The following FAF1 variants were observed in gnomAD, a reference collection of about 807,000 sequenced individuals.
The protein encoded by FAF1 is Fas associated factor 1, also known as FAS-associated factor 1.
In FAF1, 25 loss-of-function variants were observed where a neutral mutation model predicts 92.5. The ratio of observed to expected loss-of-function variants is 0.27; its 90% confidence interval spans 0.20 to 0.38. The LOEUF (loss-of-function observed/expected upper bound fraction) is 0.38, where lower values mean the gene tolerates loss of function less well. Ranked by LOEUF, FAF1 falls within the 10% of genes least tolerant of loss-of-function variation. FAF1 has a pLI of 1.00. For missense variants in FAF1, 636 were observed against 793.3 expected (o/e 0.80, Z 2.38); for synonymous variants, 234 against 273.2 (o/e 0.86, Z 1.42).
At chr1:50,567,486 G>T (rs1306429453) in intron 12 of FAF1, among the ~76,000 whole-genome samples, 1 of 152,026 alleles carries the variant, frequency 6.6e-6, no homozygotes, top group African/African-American at 2.4e-5. Flanking sequence ...GTTGACATGT[G>T]CAAGCCTATC....
chr1:50,497,342 G>A lies in FAF1; in HGVS notation c.1495-5541C>T, dbSNP rs1369720061. 2.0e-5 allele frequency among the ~76,000 whole-genome samples: 3 copies of A among 151,742 alleles called. No individual in the cohort carries two copies. The East Asian group carries it at 5.8e-4, about 29-fold the overall frequency. ...AGTGAAAATATTTTTCAAAACTGAA[G>A]GTAAAATACTTTTCAAACATATAAA... On this transcript the variant is annotated intron_variant, in intron 15 of 18. Coordinates refer to ENST00000396153, the MANE Select transcript of FAF1 (RefSeq NM_007051.3).
At chr1:50,729,824 C>G (rs532639279) in intron 6 of FAF1, among the ~76,000 whole-genome samples, 222 of 152,020 alleles carry the variant, frequency 1.5e-3, no homozygotes, top group African/African-American at 5.2e-3. Flanking sequence ...AGATTGAGAC[C>G]ATCCTGGCCA....
At chr1:50,720,291 T>A (rs1245670414) in intron 6 of FAF1, among the ~76,000 whole-genome samples, 1 of 152,150 alleles carries the variant, frequency 6.6e-6, no homozygotes, top group African/African-American at 2.4e-5. Flanking sequence ...GGCCCCTTAT[T>A]AAAAAACATT....
intron 15 of FAF1, among the ~76,000 whole-genome samples, chr1:50,513,055 AG>A (rs1259718988): frequency 6.6e-6 from 1 of 152,178 alleles, no homozygotes; most frequent in Non-Finnish European, 1.5e-5. Context: ...GCTCTACATT[AG>A]GGTAGTCCAG....
chr1:50,941,833 A>G (rs1645135855), intron 1 of FAF1, among the ~76,000 whole-genome samples: 1 of 152,256 alleles, frequency 6.6e-6, no homozygotes, highest in African/African-American at 2.4e-5. Flanking sequence ...AATGTCTTTG[A>G]AACCTAATTT....
intron 8 of FAF1, among the ~76,000 whole-genome samples, chr1:50,603,502 G>A (rs1199026919): frequency 6.6e-6 from 1 of 152,170 alleles, no homozygotes; most frequent in Non-Finnish European, 1.5e-5. Context: ...TTACTGTTCA[G>A]CTAAATAGAT....
intron 2 of FAF1, among the ~76,000 whole-genome samples, chr1:50,826,795 T>C (rs558492191): frequency 2.0e-5 from 3 of 151,838 alleles, no homozygotes; most frequent in East Asian, 1.9e-4. Context: ...TAAGAAAAAA[T>C]AGAAAAATCA....
intron 8 of FAF1, among the ~76,000 whole-genome samples, chr1:50,617,332 A>G (rs1475040859): frequency 1.3e-5 from 2 of 152,184 alleles, no homozygotes; most frequent in Admixed American, 6.5e-5. Flanking sequence ...TCAATGCCTC[A>G]TCTGTTGAGG....
At chr1:50,776,718 A>T (rs1295590856) in intron 4 of FAF1, among the ~76,000 whole-genome samples, 2 of 152,184 alleles carry the variant, frequency 1.3e-5, no homozygotes, top group Non-Finnish European at 2.9e-5. Context: ...ATTTAAAAGA[A>T]AAAGTGTGAT....
chr1:50,551,776 A>T (rs1649320284), intron 13 of FAF1, among the ~76,000 whole-genome samples: 1 of 152,224 alleles, frequency 6.6e-6, no homozygotes, highest in African/African-American at 2.4e-5. Flanking sequence ...TTCATTTGTC[A>T]TCAGGAAATT....
At chr1:50,591,657 A>C (rs1651515332) in intron 9 of FAF1, among the ~76,000 whole-genome samples, 1 of 140,116 alleles carries the variant, frequency 7.1e-6, no homozygotes, top group Non-Finnish European at 1.5e-5. Flanking sequence ...TAGGCAACAG[A>C]GCGAGACTCC....
intron 12 of FAF1, among the ~76,000 whole-genome samples, chr1:50,580,949 A>AT (rs1203261735): frequency 2.6e-5 from 4 of 151,986 alleles, no homozygotes; most frequent in Non-Finnish European, 5.9e-5. Flanking sequence ...TTTTTGTATG[A>AT]TTTTTTGTAA....
chr1:50,523,510 G>T (rs934407654), intron 15 of FAF1, among the ~76,000 whole-genome samples: 1 of 152,118 alleles, frequency 6.6e-6, no homozygotes, highest in Admixed American at 6.5e-5. Context: ...TTTCCCCAAA[G>T]ACTACTGACA....
At chr1:50,588,875 A>T (rs1651369505) in intron 9 of FAF1, among the ~76,000 whole-genome samples, 1 of 152,236 alleles carries the variant, frequency 6.6e-6, no homozygotes. Context: ...ATCCAGATGT[A>T]GCCTCATGCA....
rs1239760746 is a variant in FAF1 at position 50,494,346 on chromosome 1, G to A, written c.1495-2545C>T. ...ATGTATAAATTTGTTCTCATAACCTGTAGATGTGCCTCTGGAACTTCTCTT... is the reference window on the plus strand; with the variant it reads ...ATGTATAAATTTGTTCTCATAACCTATAGATGTGCCTCTGGAACTTCTCTT... On this transcript the variant is annotated intron_variant, in intron 15 of 18. Transcript: ENST00000396153. Among the ~76,000 whole-genome samples, 3 of 152,292 alleles carry A rather than the reference G, an allele frequency of 2.0e-5. No homozygotes were observed. The East Asian group carries it at 5.8e-4, about 29-fold the overall frequency.
chr1:50,535,240 G>C, intron 15 of FAF1, 129 bp downstream of exon 15: 2 of 618,854 alleles, frequency 3.2e-6, no homozygotes, highest in Non-Finnish European at 5.6e-6. Flanking sequence ...AAAAACCCTT[G>C]GTAAATTTGG....
intron 7 of FAF1, among the ~76,000 whole-genome samples, chr1:50,671,230 C>A (rs1655860943): frequency 6.6e-6 from 1 of 151,858 alleles, no homozygotes; most frequent in Admixed American, 6.6e-5. Context: ...CACTGTGAAA[C>A]CTCATCTCTA....
chr1:50,783,351 T>C (rs1392421834), intron 4 of FAF1, among the ~76,000 whole-genome samples: 4 of 152,192 alleles, frequency 2.6e-5, no homozygotes, highest in Non-Finnish European at 5.9e-5. Context: ...TCCTAACTTC[T>C]TTCACGAGGC....
intron 7 of FAF1, among the ~76,000 whole-genome samples, chr1:50,675,616 T>G (rs2124351682): frequency 6.6e-6 from 1 of 152,292 alleles, no homozygotes; most frequent in African/African-American, 2.4e-5. Flanking sequence ...CCTCCTAACT[T>G]TTAAATGTTG....
Sources: gnomAD v4.1 joint callset for allele counts (sites outside exome capture counted in the v4.1 genomes callset) on GRCh38, gnomAD v4.1.1 for gene constraint, MANE v1.5 for transcripts, NCBI Gene and HGNC (gene_info 2026-07-23, HGNC 2026-07-21) for gene names.